Variants in ADAMTS9 observed in about 807,000 individuals in gnomAD.
ADAMTS9 encodes A disintegrin and metalloproteinase with thrombospondin motifs 9.
ADAMTS9 carries 107 observed loss-of-function variants against 257.1 expected under a neutral mutation model. That is an observed-to-expected ratio of 0.42 (90% CI 0.36 to 0.49). The LOEUF (loss-of-function observed/expected upper bound fraction) is 0.49, where lower values mean the gene tolerates loss of function less well. ADAMTS9 is among the 20% of genes least tolerant of loss of function. The pLI is 0.03. For missense variants in ADAMTS9, 2,353 were observed against 2,469.1 expected, an observed-to-expected ratio of 0.95 and a Z score of 1.00; for synonymous variants, 982 against 880.9, an observed-to-expected ratio of 1.11 and a Z score of -2.03.
At chr3:64,645,730 C>T (rs1014317599) in intron 11 of ADAMTS9, among the ~76,000 whole-genome samples, 17 of 152,284 alleles carry the variant, frequency 1.1e-4, no homozygotes, top group Admixed American at 3.9e-4. Flanking sequence ...CTATCATTTT[C>T]TCTGCACAGT....
rs375042886 is a variant in ADAMTS9, at chr3:64,686,886, G to T, written c.198C>A (p.Asn66Lys). 6.8e-6 allele frequency: 11 copies of T among 1,614,196 alleles called. No individual in the cohort carries two copies. In the East Asian group the frequency reaches 8.9e-5, roughly 13 times the overall value. ...VNALGEPFPT[N>K]VHFKRTRRSI... ...TCCGTCGCGTTCTTTTGAAGTGGAC[G>T]TTCGTGGGAAAGGGTTCTCCGAGAG... The change falls in exon 2 of 40, where the codon AAC becomes AAA. Residue 66 changes from asparagine to lysine, a missense_variant. By Grantham distance (94) the Asn-to-Lys change is moderately conservative. Around this residue, in one of 3 missense-constraint regions of ADAMTS9, gnomAD observed 591 missense variants for 569.6 expected, o/e 1.04. Transcript: ENST00000498707. This position sits in a 1 kb window ranked among gnomAD's most constrained non-coding sequence, Gnocchi z 4.6.
chr3:64,594,450 G>C lies in ADAMTS9; in HGVS notation c.4180-16C>G, dbSNP rs568238435. The C allele has an allele frequency of 5.6e-6, 9 of 1,603,852 alleles. No individual in the cohort carries two copies. Among genetic ancestry groups the C allele is most frequent in the Middle Eastern group, 1.7e-4 (1 of 5,992 alleles). ...GCTTAGTGCACTGGAAGAAGGAAAA[G>C]GAAGGCTGCAGTTATTTTGTCTGAA... is the stretch of plus-strand genomic sequence containing the variant. On this transcript the variant is annotated splice_polypyrimidine_tract_variant and intron_variant, in intron 27 of 39. Transcript: ENST00000498707.
intron 3 of ADAMTS9, among the ~76,000 whole-genome samples, chr3:64,676,025 G>T (rs940790651): frequency 6.6e-5 from 10 of 152,150 alleles, no homozygotes; most frequent in South Asian, 2.1e-4. Context: ...AGAGTCCCCA[G>T]TGCCTAATGG....
Position 64,559,258 on chromosome 3 carries a change from C to T in ADAMTS9, c.4698+2320G>A, listed in dbSNP as rs1576016222. Reference sequence around the variant, plus strand: ...GGGGACATTCTGAGCAGGCTGTCAGCAGGCCTTGCATGTATGGGAAACATG... The same window carrying T: ...GGGGACATTCTGAGCAGGCTGTCAGTAGGCCTTGCATGTATGGGAAACATG... On this transcript the variant is annotated intron_variant, in intron 30 of 39. Transcript: ENST00000498707. Among the ~76,000 whole-genome samples the T allele has an allele frequency of 2.6e-5, 4 of 152,272 alleles. No homozygotes were observed. The South Asian group carries it at 8.3e-4, about 32-fold the overall frequency.
chr3:64,681,432 A>C, intron 2 of ADAMTS9, 69 bp from the exon 3 acceptor site: 1 of 1,495,470 alleles, frequency 6.7e-7, no homozygotes, highest in Non-Finnish European at 9.0e-7. Context: ...AAACCAAAAG[A>C]ACATTTTCAA....
intron 3 of ADAMTS9, among the ~76,000 whole-genome samples, chr3:64,675,948 C>A (rs1576185391): frequency 6.6e-6 from 1 of 152,126 alleles, no homozygotes; most frequent in Non-Finnish European, 1.5e-5. Flanking sequence ...TGTTTTCCAG[C>A]CTTTATAACT....
At chr3:64,619,009 G>A (rs1312192648) in intron 19 of ADAMTS9, among the ~76,000 whole-genome samples, 1 of 152,142 alleles carries the variant, frequency 6.6e-6, no homozygotes, top group Non-Finnish European at 1.5e-5. Flanking sequence ...GTGAAAAATA[G>A]TTTTTCAAAA....
chr3:64,546,806 C>T lies in ADAMTS9; in HGVS notation c.5016G>A (p.Leu1672=), dbSNP rs746634494. 1.2e-5 allele frequency: 19 copies of T among 1,613,252 alleles called. No individual in the cohort carries two copies. The highest frequency in any genetic ancestry group is 1.4e-5 in the Non-Finnish European group (17 of 1,179,636). ...AGGTGGCCGAGACAGGGCAGTCCCTCAGGTAACAGGGGTGAACACTGGGGG... is the reference window on the plus strand; with the variant it reads ...AGGTGGCCGAGACAGGGCAGTCCCTTAGGTAACAGGGGTGAACACTGGGGG... ...TQPPSVHPCY[L]RDCPVSATWR... The change falls in exon 32 of 40, where the codon CTG becomes CTA. Residue 1672 remains leucine, a synonymous_variant. Coordinates refer to ENST00000498707, the MANE Select transcript of ADAMTS9 (RefSeq NM_182920.2).
chr3:64,686,327 A>G lies in ADAMTS9; in HGVS notation c.516+241T>C, dbSNP rs1406361166. 2.0e-5 allele frequency among the ~76,000 whole-genome samples: 3 copies of G among 152,258 alleles called. No individual in the cohort carries two copies. The highest frequency in any genetic ancestry group is 4.4e-5 in the Non-Finnish European group (3 of 68,054). On this transcript the variant is annotated intron_variant, in intron 2 of 39. Transcript: ENST00000498707. The surrounding 1 kb of genome is among the most constrained non-coding windows in gnomAD (Gnocchi z 4.6). ...GGCAACGCGCCGCTGAACCGAGTCCAAACTCCAGAAAGCTCTGAAACATCC... is the reference window on the plus strand; with the variant it reads ...GGCAACGCGCCGCTGAACCGAGTCCGAACTCCAGAAAGCTCTGAAACATCC...
At chr3:64,649,554 G>A (rs1289952482) in intron 10 of ADAMTS9, 83 bp downstream of exon 10, 10 of 1,454,718 alleles carry the variant, frequency 6.9e-6, no homozygotes, top group African/African-American at 1.4e-5. Context: ...GTTTATAGTC[G>A]AGTTAGAATG....
In ADAMTS9 at chr3:64,604,208, C is replaced by A; in HGVS notation, c.3579+19G>T. On this transcript the variant is annotated intron_variant, in intron 24 of 39. Coordinates refer to ENST00000498707, the MANE Select transcript of ADAMTS9 (RefSeq NM_182920.2). Reference sequence around the variant, plus strand: ...AGCCCCCATCCTGCCCTCCCCATTTCTCCCAGTCTATTTCTTACTGGGGTC... The same window carrying A: ...AGCCCCCATCCTGCCCTCCCCATTTATCCCAGTCTATTTCTTACTGGGGTC... 1 of 1,606,890 alleles carries A rather than the reference C, an allele frequency of 6.2e-7. No homozygotes were observed.
chr3:64,555,015 G>A (rs987048351), intron 30 of ADAMTS9, among the ~76,000 whole-genome samples: 5 of 152,162 alleles, frequency 3.3e-5, no homozygotes, highest in African/African-American at 1.2e-4. Context: ...ATGGGGGGAA[G>A]AAAACCGCTT....
At chr3:64,674,862 T>C (rs1397063896) in intron 3 of ADAMTS9, among the ~76,000 whole-genome samples, 2 of 152,174 alleles carry the variant, frequency 1.3e-5, no homozygotes, top group East Asian at 3.9e-4. Flanking sequence ...TCTAATCAGC[T>C]AATCTATGCT....
At chr3:64,568,045 T>C (rs4431099) in intron 29 of ADAMTS9, among the ~76,000 whole-genome samples, 4,100 of 152,262 alleles carry the variant, frequency 0.027, 248 homozygotes, top group East Asian at 0.21. Context: ...TCTGAGTTAG[T>C]AGTTTTCTAT....
chr3:64,681,409 A>G (rs1484274643), intron 2 of ADAMTS9, 46 bp from the exon 3 acceptor site: 3 of 1,553,842 alleles, frequency 1.9e-6, no homozygotes, highest in African/African-American at 1.4e-5. Flanking sequence ...TAACTCAGTC[A>G]TTGGGAGGAA....
intron 28 of ADAMTS9, among the ~76,000 whole-genome samples, chr3:64,578,954 C>T (rs560013990): frequency 7.9e-4 from 121 of 152,280 alleles, no homozygotes; most frequent in Non-Finnish European, 1.3e-3. Context: ...CATGTGTGTT[C>T]CTCCTGTACC....
intron 21 of ADAMTS9, chr3:64,615,005 G>A (rs1219533517): frequency 4.2e-6 from 1 of 237,548 alleles, no homozygotes; most frequent in Non-Finnish European, 8.0e-6. Context: ...ATAAATCCAT[G>A]ATTTCCTTTC....
At chr3:64,547,209 C>T (rs926867575) in intron 31 of ADAMTS9, among the ~76,000 whole-genome samples, 4 of 152,178 alleles carry the variant, frequency 2.6e-5, no homozygotes, top group African/African-American at 9.7e-5. Flanking sequence ...CCTCAAACCC[C>T]TTCTGGAGGT....
At position 64,527,614 on chromosome 3, in the gene ADAMTS9, C is replaced by T. The variant is rs1459901161; in HGVS notation, c.5719-5354G>A. 2.6e-5 allele frequency among the ~76,000 whole-genome samples: 4 copies of T among 151,908 alleles called. No individual in the cohort carries two copies. The East Asian group carries it at 7.7e-4, about 29-fold the overall frequency. ...CAAGATTACATGCAATGAAATTTAT[C>T]GTTGAATGTCCCTGAAATTGCCCAT... is the stretch of plus-strand genomic sequence containing the variant. On this transcript the variant is annotated intron_variant, in intron 38 of 39. Transcript: ENST00000498707.
Sources: allele counts gnomAD v4.1 joint callset (sites outside exome capture counted in the v4.1 genomes callset), GRCh38; gene constraint gnomAD v4.1.1; regional missense constraint gnomAD v4.1.1; non-coding constraint Gnocchi (gnomAD v3.1); transcripts MANE v1.5; gene names NCBI Gene and HGNC (gene_info 2026-07-23, HGNC 2026-07-21).